LDLRAD3: variants seen among roughly 807,000 people sequenced by gnomAD.
LDLRAD3 encodes the protein low density lipoprotein receptor class A domain containing 3.
In LDLRAD3, 20 loss-of-function variants were observed where a neutral mutation model predicts 29.4. That is an observed-to-expected ratio of 0.68 (90% CI 0.48 to 0.99). The LOEUF (loss-of-function observed/expected upper bound fraction) is 0.99. Among genes scored for constraint, LDLRAD3 ranks in the 50% least tolerant of loss-of-function variants. LDLRAD3 has a pLI of 0.00. For missense variants in LDLRAD3, 420 were observed against 454.3 expected, an observed-to-expected ratio of 0.92 and a Z score of 0.69; for synonymous variants, 157 against 192.7, an observed-to-expected ratio of 0.81 and a Z score of 1.53.
At chr11:36,154,592 T>C (rs1565264159) in intron 4 of LDLRAD3, among the ~76,000 whole-genome samples, 2 of 152,196 alleles carry the variant, frequency 1.3e-5, no homozygotes, top group African/African-American at 4.8e-5. Flanking sequence ...CTGAACTTAA[T>C]TGACCAAAAA....
rs151300479 is a variant in LDLRAD3 at position 36,087,858 on chromosome 11, C to T, written c.319+6080C>T. ...GCCCAAGAGTAGCTGGGACTTCAGG[C>T]GCACACTACCACACCAGGCTAAATT... On this transcript the variant is annotated intron_variant, in intron 3 of 5. Coordinates refer to ENST00000315571, the MANE Select transcript of LDLRAD3 (RefSeq NM_174902.4). Among the ~76,000 whole-genome samples the T allele has an allele frequency of 2.6e-3, 389 of 152,068 alleles. 1 individual carries two copies. Among genetic ancestry groups the T allele is most frequent in the African/African-American group, 7.8e-3 (324 of 41,472 alleles).
intron 2 of LDLRAD3, among the ~76,000 whole-genome samples, chr11:36,068,619 C>T (rs970517063): frequency 3.3e-5 from 5 of 152,154 alleles, no homozygotes; most frequent in African/African-American, 4.8e-5. Context: ...TGGGTTCAAG[C>T]GATTCTCCTG....
At chr11:36,050,528 G>A (rs1852512393) in intron 2 of LDLRAD3, among the ~76,000 whole-genome samples, 1 of 152,184 alleles carries the variant, frequency 6.6e-6, no homozygotes, top group South Asian at 2.1e-4. Context: ...AACTAGGGCT[G>A]TTCCCAGTTC....
intron 1 of LDLRAD3, among the ~76,000 whole-genome samples, chr11:35,957,795 C>CAAAAAAAAAAA (rs1177748172): frequency 1.3e-5 from 1 of 79,240 alleles, no homozygotes; most frequent in African/African-American, 4.4e-5. Context: ...GACCTTATCT[C>CAAAAAAAAAAA]AAAAAAAAAA....
At chr11:36,008,161 TGAG>T (rs1271500335) in intron 1 of LDLRAD3, among the ~76,000 whole-genome samples, 1 of 152,200 alleles carries the variant, frequency 6.6e-6, no homozygotes, top group Non-Finnish European at 1.5e-5. Flanking sequence ...CATTTTTATG[TGAG>T]GAGGGCATAT....
chr11:36,034,803 G>A (rs1852282458), intron 1 of LDLRAD3, among the ~76,000 whole-genome samples: 1 of 152,234 alleles, frequency 6.6e-6, no homozygotes, highest in South Asian at 2.1e-4. Flanking sequence ...GTTTGCTGAA[G>A]GGTGTGTATG....
intron 1 of LDLRAD3, 104 bp from the exon 2 acceptor site, chr11:36,035,999 T>C (rs2133209914): frequency 8.8e-7 from 1 of 1,133,674 alleles, no homozygotes; most frequent in Non-Finnish European, 1.3e-6. Context: ...GGTTGAGTCA[T>C]CTACCAGAAG....
At chr11:36,069,722 C>T (rs1367988198) in intron 2 of LDLRAD3, among the ~76,000 whole-genome samples, 1 of 152,008 alleles carries the variant, frequency 6.6e-6, no homozygotes, top group South Asian at 2.1e-4. Context: ...TTCAGTTGCT[C>T]CTTTACCACA....
In LDLRAD3 at chr11:36,224,809, A is replaced by G. The variant is rs528250214; in HGVS notation, c.455-2276A>G. The stretch of plus-strand genomic sequence containing the variant: ...TTATATCAGAAAAGAAGAGAAGTCA[A>G]TGTGTTTCGCAGGTTTGTGGTTTTT... On this transcript the variant is annotated intron_variant, in intron 4 of 5. Transcript: ENST00000315571. Among the ~76,000 whole-genome samples, 6 of 152,276 alleles carry G rather than the reference A, an allele frequency of 3.9e-5. No individual in the cohort carries two copies. The East Asian group carries it at 1.2e-3, about 29-fold the overall frequency.
At chr11:36,211,898 G>A (rs1308512181) in intron 4 of LDLRAD3, among the ~76,000 whole-genome samples, 1 of 152,134 alleles carries the variant, frequency 6.6e-6, no homozygotes, top group Non-Finnish European at 1.5e-5. Context: ...ATTCGCTCTG[G>A]CTGCTGACTC....
chr11:35,944,208 G>A lies in LDLRAD3; in HGVS notation c.46+64G>A, dbSNP rs1322001577. 1.1e-6 allele frequency: 1 copy of A among 930,620 alleles called. No individual in the cohort carries two copies. Among genetic ancestry groups the A allele is most frequent in the Non-Finnish European group, 1.3e-6 (1 of 779,232 alleles). 57.6% of individuals were successfully genotyped at this position (930,620 alleles called of 1,614,324 possible). ...CGGGGCGCGGGGCGCGGGGCGCAGCGGCCGGGTGCGATCGCGTCCTCTCCC... is the reference window on the plus strand; with the variant it reads ...CGGGGCGCGGGGCGCGGGGCGCAGCAGCCGGGTGCGATCGCGTCCTCTCCC... On this transcript the variant is annotated intron_variant, in intron 1 of 5. Transcript: ENST00000315571. This position sits in a 1 kb window ranked among gnomAD's most constrained non-coding sequence, Gnocchi z 4.9.
intron 4 of LDLRAD3, among the ~76,000 whole-genome samples, chr11:36,174,005 C>A (rs1285854222): frequency 6.6e-6 from 1 of 152,110 alleles, no homozygotes; most frequent in Non-Finnish European, 1.5e-5. Flanking sequence ...GATACTGGTA[C>A]CAAAACAGAG....
At chr11:36,053,502 G>A (rs748345833) in intron 2 of LDLRAD3, among the ~76,000 whole-genome samples, 24 of 152,272 alleles carry the variant, frequency 1.6e-4, no homozygotes, top group Middle Eastern at 3.4e-3. Flanking sequence ...GACTGGCTGT[G>A]TTGTACGGCT....
At chr11:36,112,751 G>A (rs921446182) in intron 4 of LDLRAD3, among the ~76,000 whole-genome samples, 1 of 152,254 alleles carries the variant, frequency 6.6e-6, no homozygotes, top group Non-Finnish European at 1.5e-5. Context: ...ATTCATAGTA[G>A]AGAGTGCTGG....
At chr11:36,113,684 T>C (rs1396202630) in intron 4 of LDLRAD3, among the ~76,000 whole-genome samples, 1 of 150,418 alleles carries the variant, frequency 6.6e-6, no homozygotes, top group Non-Finnish European at 1.5e-5. Context: ...TTTTTTTTTT[T>C]TTTTTTTGAG....
At chr11:36,219,346 TA>T (rs1482884056) in intron 4 of LDLRAD3, among the ~76,000 whole-genome samples, 3 of 152,168 alleles carry the variant, frequency 2.0e-5, no homozygotes, top group African/African-American at 7.2e-5. Context: ...TAATCAGAAA[TA>T]AAGTTCATTT....
chr11:36,085,531 C>T (rs1273334330), intron 3 of LDLRAD3, among the ~76,000 whole-genome samples: 1 of 152,082 alleles, frequency 6.6e-6, no homozygotes, highest in African/African-American at 2.4e-5. Context: ...TTTCTCCTTT[C>T]TTTATGGGAG....
At chr11:35,997,593 G>T (rs1335875202) in intron 1 of LDLRAD3, 6 of 277,686 alleles carry the variant, frequency 2.2e-5, no homozygotes, top group African/African-American at 1.4e-4. Context: ...AATCTTGGGG[G>T]CCAGCACAGA....
At chr11:35,960,294 T>C (rs1851259931) in intron 1 of LDLRAD3, among the ~76,000 whole-genome samples, 1 of 152,238 alleles carries the variant, frequency 6.6e-6, no homozygotes, top group Non-Finnish European at 1.5e-5. Context: ...CTCATTCATC[T>C]CTTAAAAGGA....
Sources: allele counts gnomAD v4.1 joint callset (sites outside exome capture counted in the v4.1 genomes callset), GRCh38; gene constraint gnomAD v4.1.1; non-coding constraint Gnocchi (gnomAD v3.1); transcripts MANE v1.5; gene names NCBI Gene and HGNC (gene_info 2026-07-23, HGNC 2026-07-21).